Variants in ZC2HC1B observed in about 807,000 individuals in gnomAD.
ZC2HC1B encodes the protein zinc finger C2HC domain-containing protein 1B.
In ZC2HC1B, 36 loss-of-function variants were observed where a neutral mutation model predicts 31.0. The observed-to-expected ratio is 1.16, with a 90% CI of 0.89 to 1.54. The LOEUF is 1.54. Among genes scored for constraint, ZC2HC1B ranks in the 40% most tolerant of loss-of-function variants. ZC2HC1B has a pLI of 0.00. For synonymous variants in ZC2HC1B, 73 were observed against 88.0 expected (o/e 0.83, Z 0.95); for missense variants, 260 against 268.6 (o/e 0.97, Z 0.22).
rs539228823 is a variant in ZC2HC1B at position 143,935,260 on chromosome 6, A to T, written c.599-2389A>T. ...TGACCACAGGCAGGGTGAGCTGACC[A>T]CAGGCAGGGTGGGTTGATCCCCAGG... On this transcript the variant is annotated intron_variant, in intron 6 of 7. Transcript: ENST00000237275. Among the ~76,000 whole-genome samples the T allele has an allele frequency of 1.4e-4, 21 of 152,244 alleles. No homozygotes were observed. The South Asian group carries it at 3.7e-3, about 27-fold the overall frequency.
At chr6:143,920,303 G>A (rs1213786172) in intron 6 of ZC2HC1B, among the ~76,000 whole-genome samples, 2 of 152,142 alleles carry the variant, frequency 1.3e-5, no homozygotes, top group Non-Finnish European at 2.9e-5. Flanking sequence ...AGTAAACTTG[G>A]AAAGAGATCG....
At chr6:143,888,371 A>G (rs147257756) in intron 4 of ZC2HC1B, among the ~76,000 whole-genome samples, 1,904 of 152,158 alleles carry the variant, frequency 0.013, 22 homozygotes, top group Middle Eastern at 0.027. Context: ...TGTTTTTGCT[A>G]TTCAAGGTCC....
At chr6:143,907,946 A>AT (rs1347903033) in intron 6 of ZC2HC1B, among the ~76,000 whole-genome samples, 1 of 152,082 alleles carries the variant, frequency 6.6e-6, no homozygotes, top group Non-Finnish European at 1.5e-5. Flanking sequence ...TCTTGAGTTG[A>AT]TTTTTGCAGA....
chr6:143,885,455 G>A lies in ZC2HC1B; in HGVS notation c.91-577G>A, dbSNP rs1017248110. ...TTCCTAAGCCTATTTCTAGGCTATG[G>A]AGGGCATTGATCAAATGATTTGATC... On this transcript the variant is annotated intron_variant, in intron 2 of 7. Transcript: ENST00000237275. The surrounding 1 kb of genome is among the most constrained non-coding windows in gnomAD (Gnocchi z 4.2). Among the ~76,000 whole-genome samples, 1 of 152,172 alleles carries A rather than the reference G, an allele frequency of 6.6e-6. No individual in the cohort carries two copies. Among genetic ancestry groups the A allele is most frequent in the South Asian group, 2.1e-4 (1 of 4,826 alleles).
At chr6:143,902,467 C>A (rs762517582) in intron 5 of ZC2HC1B, among the ~76,000 whole-genome samples, 1 of 152,032 alleles carries the variant, frequency 6.6e-6, no homozygotes, top group Admixed American at 6.6e-5. Flanking sequence ...TTATCTTTAT[C>A]CTGCAGTTCC....
rs12527718 is a variant in ZC2HC1B, at chr6:143,895,608, T to C, written c.350-2944T>C. On this transcript the variant is annotated intron_variant, in intron 4 of 7. Coordinates refer to ENST00000237275, the MANE Select transcript of ZC2HC1B (RefSeq NM_001013623.3). This position sits in a 1 kb window ranked among gnomAD's most constrained non-coding sequence, Gnocchi z 4.8. ...TTTGAGACATGCCTATATTCTACTT[T>C]TTAGTGACTTAGCTAAGTCTGTCAA... is the stretch of plus-strand genomic sequence containing the variant. 0.028 allele frequency among the ~76,000 whole-genome samples: 4,245 copies of C among 152,324 alleles called. 112 individuals are homozygous for C. The highest frequency in any genetic ancestry group is 0.075 in the Admixed American group (1,150 of 15,296).
chr6:143,919,434 G>C (rs1198995395), intron 6 of ZC2HC1B, among the ~76,000 whole-genome samples: 3 of 151,990 alleles, frequency 2.0e-5, no homozygotes, highest in African/African-American at 4.8e-5. Context: ...GTTTCCAAAA[G>C]GGAGAAAAGA....
At chr6:143,877,586 C>G (rs531333578) in intron 1 of ZC2HC1B, among the ~76,000 whole-genome samples, 1 of 150,122 alleles carries the variant, frequency 6.7e-6, no homozygotes, top group Non-Finnish European at 1.5e-5. Flanking sequence ...CCCAGCAAGA[C>G]TTTTTTAATT....
intron 6 of ZC2HC1B, among the ~76,000 whole-genome samples, chr6:143,926,540 A>G (rs144636145): frequency 2.4e-4 from 37 of 152,152 alleles, no homozygotes; most frequent in African/African-American, 8.2e-4. Context: ...CATATGGTCT[A>G]TACTAGAGAA....
In ZC2HC1B at chr6:143,871,871, G is replaced by A. The variant is rs1777345256; in HGVS notation, c.28+7304G>A. On this transcript the variant is annotated intron_variant, in intron 1 of 7. Coordinates refer to ENST00000237275, the MANE Select transcript of ZC2HC1B (RefSeq NM_001013623.3). The surrounding 1 kb of genome is among the most constrained non-coding windows in gnomAD (Gnocchi z 4.1). ...TGCCAATTTTGCATTCTGGCACTGG[G>A]GAAATGACCACAGGATGAGTCCAGG... Among the ~76,000 whole-genome samples the A allele has an allele frequency of 6.6e-6, 1 of 152,068 alleles. No homozygotes were observed. The highest frequency in any genetic ancestry group is 2.4e-5 in the African/African-American group (1 of 41,382).
At chr6:143,935,580 G>A (rs1228002464) in intron 6 of ZC2HC1B, among the ~76,000 whole-genome samples, 1 of 145,300 alleles carries the variant, frequency 6.9e-6, no homozygotes, top group South Asian at 2.2e-4. Flanking sequence ...TTGTTGTTGG[G>A]TTTTTTGTTA....
Position 143,923,063 on chromosome 6 carries a change from G to A in ZC2HC1B, c.599-14586G>A, listed in dbSNP as rs975730625. 6.6e-5 allele frequency among the ~76,000 whole-genome samples: 10 copies of A among 152,106 alleles called. No homozygotes were observed. The highest frequency in any genetic ancestry group is 2.2e-4 in the African/African-American group (9 of 41,440). Reference sequence around the variant, plus strand: ...ATAAGAGCCATTCTAACAAGGGTAAGATTTTGTCTCATTGCGTCTTGGATT... The same window carrying A: ...ATAAGAGCCATTCTAACAAGGGTAAAATTTTGTCTCATTGCGTCTTGGATT... On this transcript the variant is annotated intron_variant, in intron 6 of 7. Transcript: ENST00000237275. The surrounding 1 kb of genome is among the most constrained non-coding windows in gnomAD (Gnocchi z 4.8).
intron 6 of ZC2HC1B, among the ~76,000 whole-genome samples, chr6:143,935,488 A>G (rs1778165623): frequency 6.6e-6 from 1 of 151,580 alleles, no homozygotes; most frequent in South Asian, 2.1e-4. Context: ...TTTCTGTGGC[A>G]GGGGTCAGGG....
chr6:143,890,854 G>A (rs2128494325), intron 4 of ZC2HC1B, among the ~76,000 whole-genome samples: 1 of 152,248 alleles, frequency 6.6e-6, no homozygotes, highest in East Asian at 1.9e-4. Flanking sequence ...TTAAGGCTGG[G>A]CGCAGTGGCT....
chr6:143,926,947 A>T, intron 6 of ZC2HC1B, among the ~76,000 whole-genome samples: 1 of 93,588 alleles, frequency 1.1e-5, no homozygotes, highest in Non-Finnish European at 2.0e-5. Context: ...AGTAGCTGGG[A>T]CTACAGGCGC....
chr6:143,897,113 A>T (rs1219485391), intron 4 of ZC2HC1B, among the ~76,000 whole-genome samples: 2 of 152,060 alleles, frequency 1.3e-5, no homozygotes, highest in East Asian at 3.8e-4. Flanking sequence ...GATTTGTTCA[A>T]ATAGGAAACT....
intron 6 of ZC2HC1B, among the ~76,000 whole-genome samples, chr6:143,930,579 C>T (rs1256439633): frequency 3.3e-5 from 5 of 151,716 alleles, no homozygotes; most frequent in Non-Finnish European, 4.4e-5. Context: ...TTAGTAGAGA[C>T]GGGATTTCAC....
rs1777716616 is a variant in ZC2HC1B at position 143,899,958 on chromosome 6, A to G, written c.489+1267A>G. The stretch of plus-strand genomic sequence containing the variant: ...GCAATTCCTGGAAGTCTTCAAAGGC[A>G]AGCAAACTTTTTGCCCTTAAATATC... On this transcript the variant is annotated intron_variant, in intron 5 of 7. Transcript: ENST00000237275. This position sits in a 1 kb window ranked among gnomAD's most constrained non-coding sequence, Gnocchi z 5.0. Among the ~76,000 whole-genome samples, 1 of 152,210 alleles carries G rather than the reference A, an allele frequency of 6.6e-6. No individual in the cohort carries two copies. The highest frequency in any genetic ancestry group is 2.4e-5 in the African/African-American group (1 of 41,452).
At chr6:143,937,260 C>G (rs1164330488) in intron 6 of ZC2HC1B, among the ~76,000 whole-genome samples, 1 of 152,144 alleles carries the variant, frequency 6.6e-6, no homozygotes, top group Non-Finnish European at 1.5e-5. Context: ...TAAGGCTTAG[C>G]AAAGTCTTCT....
Sources: allele counts gnomAD v4.1 joint callset (sites outside exome capture counted in the v4.1 genomes callset), GRCh38; gene constraint gnomAD v4.1.1; non-coding constraint Gnocchi (gnomAD v3.1); transcripts MANE v1.5; gene names NCBI Gene and HGNC (gene_info 2026-07-23, HGNC 2026-07-21).